Variants in GBE1 observed in about 807,000 individuals in gnomAD.
GBE1 encodes the protein 1,4-alpha-glucan-branching enzyme.
Under a neutral mutation model 88.8 loss-of-function variants are expected in GBE1, and 70 were observed. The ratio of observed to expected loss-of-function variants is 0.79; its 90% CI spans 0.65 to 0.96. The LOEUF (loss-of-function observed/expected upper bound fraction) is 0.96. Ranked by LOEUF, GBE1 falls within the 40% of genes least tolerant of loss-of-function variation. The pLI, the probability that GBE1 is intolerant of heterozygous loss-of-function variation, is 0.00. For synonymous variants in GBE1, 284 were observed against 300.1 expected, an observed-to-expected ratio of 0.95 and a Z score of 0.56; for missense variants, 872 against 871.0, an observed-to-expected ratio of 1.00 and a Z score of -0.01.
chr3:81,708,245 A>G (rs1258235932), intron 1 of GBE1, among the ~76,000 whole-genome samples: 1 of 152,092 alleles, frequency 6.6e-6, no homozygotes, highest in Non-Finnish European at 1.5e-5. Context: ...TTTCAAAACC[A>G]TAAGGAAAGG....
chr3:81,539,475 G>A (rs1385340008), intron 12 of GBE1, among the ~76,000 whole-genome samples: 1 of 151,944 alleles, frequency 6.6e-6, no homozygotes, highest in Non-Finnish European at 1.5e-5. Context: ...AGGGAAATGA[G>A]AATTCCAAAT....
chr3:81,744,716 T>C lies in GBE1; in HGVS notation c.143+16659A>G, dbSNP rs75713157. ...AGTGCTCACACAATGTGGCAATTCT[T>C]ACACAAGCACATTTTCCAACTGAAC... On this transcript the variant is annotated intron_variant, in intron 1 of 15. Transcript: ENST00000429644. 4.1e-3 allele frequency among the ~76,000 whole-genome samples: 620 copies of C among 152,316 alleles called. 9 individuals are homozygous for C. The highest frequency in any genetic ancestry group is 0.014 in the Middle Eastern group (4 of 294).
intron 7 of GBE1, 30 bp from the exon 8 acceptor site, chr3:81,594,053 CA>C: frequency 9.2e-7 from 1 of 1,084,538 alleles, no homozygotes; most frequent in South Asian, 1.4e-5. Flanking sequence ...TGTATTTAAG[CA>C]AAATGTGAAG....
At chr3:81,699,071 C>T (rs956438277) in intron 2 of GBE1, among the ~76,000 whole-genome samples, 1 of 152,074 alleles carries the variant, frequency 6.6e-6, no homozygotes, top group Non-Finnish European at 1.5e-5. Context: ...AAGCCTTGTG[C>T]CTTGTAGTTC....
chr3:81,512,038 T>C (rs1462196854), intron 14 of GBE1, among the ~76,000 whole-genome samples: 1 of 151,952 alleles, frequency 6.6e-6, no homozygotes, highest in Non-Finnish European at 1.5e-5. Flanking sequence ...ACCATATCTT[T>C]TGCAGCAACA....
chr3:81,651,429 T>C (rs988810770), intron 3 of GBE1, among the ~76,000 whole-genome samples: 3 of 152,186 alleles, frequency 2.0e-5, no homozygotes, highest in Non-Finnish European at 4.4e-5. Flanking sequence ...ATGTCTAAGT[T>C]ACATGAATAC....
chr3:81,702,923 A>C (rs1705721422), intron 2 of GBE1, among the ~76,000 whole-genome samples: 1 of 152,062 alleles, frequency 6.6e-6, no homozygotes, highest in Non-Finnish European at 1.5e-5. Context: ...CAGTTCACAA[A>C]TCTAGTTTTC....
At chr3:81,543,885 A>G (rs1365321945) in intron 12 of GBE1, among the ~76,000 whole-genome samples, 1 of 152,196 alleles carries the variant, frequency 6.6e-6, no homozygotes, top group Non-Finnish European at 1.5e-5. Context: ...CCTAAATTAT[A>G]TATGAATATG....
chr3:81,670,985 G>T, intron 2 of GBE1, 32 bp from the exon 3 acceptor site: 1 of 1,035,540 alleles, frequency 9.7e-7, no homozygotes, highest in Non-Finnish European at 1.4e-6. Context: ...GTTAACAACA[G>T]CATGATAGGA....
At chr3:81,601,184 G>A (rs1704028347) in intron 7 of GBE1, among the ~76,000 whole-genome samples, 2 of 152,108 alleles carry the variant, frequency 1.3e-5, no homozygotes, top group South Asian at 4.1e-4. Context: ...AAGTCATCAA[G>A]TGTCTACTAG....
chr3:81,650,995 A>C (rs1182004246), intron 3 of GBE1, among the ~76,000 whole-genome samples: 1 of 152,166 alleles, frequency 6.6e-6, no homozygotes, highest in Non-Finnish European at 1.5e-5. Flanking sequence ...GCTTTTACAC[A>C]AAGTTGCCTT....
At chr3:81,589,251 G>A (rs1200623602) in intron 9 of GBE1, among the ~76,000 whole-genome samples, 1 of 151,822 alleles carries the variant, frequency 6.6e-6, no homozygotes, top group East Asian at 1.9e-4. Flanking sequence ...ATATAATAAT[G>A]TAAAATGGTA....
intron 1 of GBE1, among the ~76,000 whole-genome samples, chr3:81,706,588 G>C (rs1220739110): frequency 6.6e-6 from 1 of 152,122 alleles, no homozygotes; most frequent in East Asian, 1.9e-4. Context: ...TCAGGGGTAA[G>C]GAATCTTTCC....
chr3:81,697,945 T>C (rs1056858429), intron 2 of GBE1, among the ~76,000 whole-genome samples: 2 of 150,312 alleles, frequency 1.3e-5, no homozygotes, highest in Non-Finnish European at 3.0e-5. Context: ...ATATAAAATA[T>C]CTATTACATT....
chr3:81,561,783 C>A (rs913187348), intron 12 of GBE1, among the ~76,000 whole-genome samples: 2 of 151,884 alleles, frequency 1.3e-5, no homozygotes, highest in Non-Finnish European at 1.5e-5. Flanking sequence ...CTAGGTTCAG[C>A]CTTCTCTCTC....
chr3:81,694,336 T>C (rs954262446), intron 2 of GBE1, among the ~76,000 whole-genome samples: 3 of 152,130 alleles, frequency 2.0e-5, no homozygotes, highest in Admixed American at 1.3e-4. Context: ...AGATACATAA[T>C]AGTATGTACA....
At chr3:81,491,232 C>T (rs1309179303) in intron 15 of GBE1, among the ~76,000 whole-genome samples, 2 of 152,106 alleles carry the variant, frequency 1.3e-5, no homozygotes, top group Non-Finnish European at 2.9e-5. Flanking sequence ...CCTTGACAAC[C>T]CTAGATATGA....
intron 2 of GBE1, among the ~76,000 whole-genome samples, chr3:81,682,080 A>C (rs548259391): frequency 1.2e-4 from 18 of 152,230 alleles, no homozygotes; most frequent in African/African-American, 4.3e-4. Context: ...CAATTGAATA[A>C]AAAAGACAAC....
intron 1 of GBE1, among the ~76,000 whole-genome samples, chr3:81,750,535 ATACG>A (rs1318239336): frequency 4.0e-5 from 3 of 75,790 alleles, no homozygotes; most frequent in East Asian, 1.3e-3. Flanking sequence ...ATATATATAT[ATACG>A]TATATATATA....
Sources: gnomAD v4.1 joint callset for allele counts (sites outside exome capture counted in the v4.1 genomes callset) on GRCh38, gnomAD v4.1.1 for gene constraint, MANE v1.5 for transcripts, NCBI Gene and HGNC (gene_info 2026-07-23, HGNC 2026-07-21) for gene names.